Variants in PRKN observed in about 807,000 individuals in gnomAD.
The protein encoded by PRKN is parkin RBR E3 ubiquitin protein ligase, also known as E3 ubiquitin-protein ligase parkin.
Under a neutral mutation model 59.5 loss-of-function variants are expected in PRKN, and 56 were observed. That is an observed-to-expected ratio of 0.94 (90% CI 0.76 to 1.18). PRKN has a LOEUF of 1.18. Ranked by LOEUF, PRKN falls within the 50% of genes most tolerant of loss-of-function variation. The pLI is 0.00. For missense variants in PRKN, 657 were observed against 596.4 expected, an observed-to-expected ratio of 1.10 and a Z score of -1.06; for synonymous variants, 250 against 222.1, an observed-to-expected ratio of 1.13 and a Z score of -1.12.
At chr6:161,519,240 C>T (rs528243593) in intron 9 of PRKN, among the ~76,000 whole-genome samples, 3 of 152,224 alleles carry the variant, frequency 2.0e-5, no homozygotes, top group African/African-American at 7.2e-5. Context: ...AGGTTCCCCT[C>T]TGAATCCTGC....
chr6:162,661,416 G>A (rs1778874642), intron 1 of PRKN, among the ~76,000 whole-genome samples: 1 of 152,148 alleles, frequency 6.6e-6, no homozygotes, highest in Non-Finnish European at 1.5e-5. Flanking sequence ...TTAAAATCAG[G>A]TTAAAGCAAA....
In PRKN at chr6:161,497,990, C is replaced by A. The variant is rs988760629; in HGVS notation, c.1083+50864G>T. On this transcript the variant is annotated intron_variant, in intron 9 of 11. Coordinates refer to ENST00000366898, the MANE Select transcript of PRKN (RefSeq NM_004562.3). The surrounding 1 kb of genome is among the most constrained non-coding windows in gnomAD (Gnocchi z 4.6). ...GATCAAATGACGGGAGAGAGGAAAC[C>A]TTTGCTTCCATGAGGGGATATTTGT... Among the ~76,000 whole-genome samples, 1 of 152,106 alleles carries A rather than the reference C, an allele frequency of 6.6e-6. No individual in the cohort carries two copies. Among genetic ancestry groups the A allele is most frequent in the Non-Finnish European group, 1.5e-5 (1 of 68,024 alleles).
chr6:162,231,829 T>C (rs937800663), intron 3 of PRKN, among the ~76,000 whole-genome samples: 2 of 152,090 alleles, frequency 1.3e-5, no homozygotes, highest in South Asian at 2.1e-4. Context: ...GAAAAATATA[T>C]ATGAATTAAA....
At chr6:161,846,477 C>T (rs893621845) in intron 6 of PRKN, among the ~76,000 whole-genome samples, 11 of 152,152 alleles carry the variant, frequency 7.2e-5, no homozygotes, top group Admixed American at 5.9e-4. Context: ...GAGCACCTGC[C>T]CAACAGCAGT....
At chr6:161,807,578 C>A (rs1452592477) in intron 6 of PRKN, among the ~76,000 whole-genome samples, 1 of 152,192 alleles carries the variant, frequency 6.6e-6, no homozygotes, top group African/African-American at 2.4e-5. Context: ...GGGAGAGGAG[C>A]CTTTCTTGCC....
intron 1 of PRKN, among the ~76,000 whole-genome samples, chr6:162,584,171 T>C (rs1780904133): frequency 7.0e-6 from 1 of 143,206 alleles, no homozygotes. Flanking sequence ...TGAGATTGCG[T>C]CACTGCACTC....
intron 3 of PRKN, among the ~76,000 whole-genome samples, chr6:162,227,349 G>T (rs1410409158): frequency 6.6e-6 from 1 of 151,684 alleles, no homozygotes; most frequent in Non-Finnish European, 1.5e-5. Context: ...ATTTTATCTT[G>T]CTTTTCATTA....
chr6:161,775,073 GGCAAACAGACAGGCAGACACATGGAGATT>G (rs1332532351), intron 7 of PRKN, among the ~76,000 whole-genome samples: 7 of 152,136 alleles, frequency 4.6e-5, no homozygotes, highest in African/African-American at 1.7e-4. Context: ...CAGCGAGGCA[GGCAAACAGACAGGCAGACACATGGAGATT>G]GCATGTGGAT....
intron 7 of PRKN, among the ~76,000 whole-genome samples, chr6:161,705,694 G>A (rs1264730003): frequency 6.6e-6 from 1 of 152,148 alleles, no homozygotes; most frequent in African/African-American, 2.4e-5. Flanking sequence ...AGTTCCCAGT[G>A]AGGCACCTGT....
intron 6 of PRKN, among the ~76,000 whole-genome samples, chr6:161,812,761 C>A (rs937397527): frequency 6.6e-6 from 1 of 152,144 alleles, no homozygotes; most frequent in African/African-American, 2.4e-5. Flanking sequence ...TATAGAGAAA[C>A]TAAAGCCCTT....
chr6:162,011,250 TA>T (rs1782661599), intron 5 of PRKN, among the ~76,000 whole-genome samples: 1 of 75,106 alleles, frequency 1.3e-5, no homozygotes, highest in African/African-American at 5.8e-5. Flanking sequence ...ATAATATATA[TA>T]ATATAGTATA....
At position 161,560,114 on chromosome 6, in the gene PRKN, A is replaced by T. The variant is rs1780401073; in HGVS notation, c.933+9241T>A. On this transcript the variant is annotated intron_variant, in intron 8 of 11. Coordinates refer to ENST00000366898, the MANE Select transcript of PRKN (RefSeq NM_004562.3). The surrounding 1 kb of genome is among the most constrained non-coding windows in gnomAD (Gnocchi z 4.9). The stretch of plus-strand genomic sequence containing the variant: ...AACTGTCAGTCCCATATGGGTCCAT[A>T]CGTTTCCTAATATCAGCCAATTTCC... Among the ~76,000 whole-genome samples the T allele has an allele frequency of 6.6e-6, 1 of 152,068 alleles. No individual in the cohort carries two copies. The highest frequency in any genetic ancestry group is 1.5e-5 in the Non-Finnish European group (1 of 68,020).
intron 7 of PRKN, among the ~76,000 whole-genome samples, chr6:161,678,570 T>A (rs1164076247): frequency 1.4e-5 from 2 of 140,728 alleles, no homozygotes. Context: ...GGTGCCTGAT[T>A]TTTTTTTTTT....
chr6:162,256,902 A>G (rs1338985874), intron 3 of PRKN, among the ~76,000 whole-genome samples: 2 of 152,194 alleles, frequency 1.3e-5, no homozygotes, highest in African/African-American at 4.8e-5. Flanking sequence ...CTTAACTTCA[A>G]CAACCAATGC....
chr6:162,363,213 T>C (rs1785246283), intron 2 of PRKN, among the ~76,000 whole-genome samples: 1 of 151,566 alleles, frequency 6.6e-6, no homozygotes. Flanking sequence ...TGGCCCTCCA[T>C]GCCCCTGCCC....
chr6:162,454,366 TG>T (rs980017221), intron 1 of PRKN, among the ~76,000 whole-genome samples: 3 of 152,242 alleles, frequency 2.0e-5, no homozygotes, highest in Non-Finnish European at 4.4e-5. Context: ...ATACTGATAG[TG>T]ATATCTTCTG....
At position 161,399,921 on chromosome 6, in the gene PRKN, A is replaced by G. The variant is rs1562421507; in HGVS notation, c.1084-13044T>C. 6.6e-6 allele frequency among the ~76,000 whole-genome samples: 1 copy of G among 152,218 alleles called. No homozygotes were observed. The highest frequency in any genetic ancestry group is 2.1e-4 in the South Asian group (1 of 4,834). On this transcript the variant is annotated intron_variant, in intron 9 of 11. Coordinates refer to ENST00000366898, the MANE Select transcript of PRKN (RefSeq NM_004562.3). This position sits in a 1 kb window ranked among gnomAD's most constrained non-coding sequence, Gnocchi z 4.4. ...ATTTCAATATTTTACTTAACTAAAT[A>G]TATTCAAAATTGTATCATTTCAACA...
In PRKN at chr6:161,396,427, C is replaced by A. The variant is rs952005641; in HGVS notation, c.1084-9550G>T. Among the ~76,000 whole-genome samples the A allele has an allele frequency of 6.6e-6, 1 of 152,170 alleles. No homozygotes were observed. Reference sequence around the variant, plus strand: ...TGCTTTAAAATGAGCATTTCTCAGACCTTATGGAGCAGTTGGCTCCTTCTA... The same window carrying A: ...TGCTTTAAAATGAGCATTTCTCAGAACTTATGGAGCAGTTGGCTCCTTCTA... On this transcript the variant is annotated intron_variant, in intron 9 of 11. Coordinates refer to ENST00000366898, the MANE Select transcript of PRKN (RefSeq NM_004562.3). This position sits in a 1 kb window ranked among gnomAD's most constrained non-coding sequence, Gnocchi z 5.4.
intron 7 of PRKN, among the ~76,000 whole-genome samples, chr6:161,772,010 T>A (rs1789711813): frequency 6.6e-6 from 1 of 152,128 alleles, no homozygotes; most frequent in Admixed American, 6.5e-5. Flanking sequence ...TTATCACAGT[T>A]ACCGAATGTG....
Sources: gnomAD v4.1 joint callset for allele counts (sites outside exome capture counted in the v4.1 genomes callset) on GRCh38, gnomAD v4.1.1 for gene constraint, Gnocchi (gnomAD v3.1) non-coding constraint, MANE v1.5 for transcripts, NCBI Gene and HGNC (gene_info 2026-07-23, HGNC 2026-07-21) for gene names.